The following CACNA1S variants were observed in gnomAD, a reference collection of about 807,000 sequenced individuals.
CACNA1S encodes the protein calcium voltage-gated channel subunit alpha1 S.
Under a neutral mutation model 207.4 loss-of-function variants are expected in CACNA1S, and 126 were observed. That is an observed-to-expected ratio of 0.61 (90% CI 0.53 to 0.70). The LOEUF is 0.70. Ranked by LOEUF, CACNA1S falls within the 30% of genes least tolerant of loss-of-function variation. The pLI, the probability that CACNA1S is intolerant of heterozygous loss-of-function variation, is 0.00. For synonymous variants in CACNA1S, 960 were observed against 932.7 expected, an observed-to-expected ratio of 1.03 and a Z score of -0.53; for missense variants, 2,349 against 2,422.8, an observed-to-expected ratio of 0.97 and a Z score of 0.64.
chr1:201,041,615 A>C (rs199753265), intron 40 of CACNA1S, 26 bp from the exon 41 acceptor site: 4 of 1,543,814 alleles, frequency 2.6e-6, no homozygotes, highest in Non-Finnish European at 3.6e-6. Flanking sequence ...GGCTGGGTGA[A>C]CCAGAGAAGG....
At position 201,058,564 on chromosome 1, in the gene CACNA1S, C is replaced by T. The variant is rs41267499; in HGVS notation, c.3526-73G>A. On this transcript the variant is annotated intron_variant, in intron 27 of 43. Transcript: ENST00000362061. ...AGGAGCTCTGGCTGCTGGCAGAGGACAGTGTCCCACCCGAGCTAATGCGGA... is the reference window on the plus strand; with the variant it reads ...AGGAGCTCTGGCTGCTGGCAGAGGATAGTGTCCCACCCGAGCTAATGCGGA... 9.4e-4 allele frequency: 1,144 copies of T among 1,215,944 alleles called. 2 individuals carry two copies. Among genetic ancestry groups the T allele is most frequent in the Non-Finnish European group, 1.3e-3 (1,050 of 821,940 alleles). The allele number at this position is 1,215,944 out of a possible 1,614,324, so 75.3% of individuals were successfully genotyped here.
In CACNA1S at chr1:201,083,203, G is replaced by A. The variant is rs35521793; in HGVS notation, c.1352C>T (p.Ser451Leu). ...IVALNTLSIA[S>L]EHHNQPLWLT... ...CCAGAGAGGCTGGTTGTGGTGCTCT[G>A]AGGCGATAGACAGGGTGTTGAGGGC... Residue 451 changes from serine to leucine, a missense_variant, in exon 10 of 44, where the codon TCA (serine) becomes TTA (leucine). Coordinates refer to ENST00000362061, the MANE Select transcript of CACNA1S (RefSeq NM_000069.3). The A allele has an allele frequency of 3.2e-5, 52 of 1,614,116 alleles. No homozygotes were observed. Among genetic ancestry groups the A allele is most frequent in the Middle Eastern group, 1.6e-4 (1 of 6,084 alleles).
rs183195890 is a variant in CACNA1S at position 201,044,407 on chromosome 1, G to T, written c.4718C>A (p.Thr1573Lys). The change falls in exon 39 of 44, where the codon ACG becomes AAG. Residue 1573 changes from threonine to lysine, a missense_variant. Transcript: ENST00000362061. Reference protein sequence around the residue: ...EEEAAPEICRTVSGDLAAEEE... With the variant: ...EEEAAPEICRKVSGDLAAEEE... ...CTCAGCAGCCAGGTCTCCTGAGACC[G>T]TGCGACAGATCTCGGGGGCTGCCTC... 5.0e-6 allele frequency: 8 copies of T among 1,613,452 alleles called. No individual in the cohort carries two copies. In the Admixed American group the frequency reaches 1.2e-4, roughly 24 times the overall value.
intron 2 of CACNA1S, among the ~76,000 whole-genome samples, chr1:201,098,625 A>G (rs1662524008): frequency 6.6e-6 from 1 of 152,196 alleles, no homozygotes; most frequent in South Asian, 2.1e-4. Context: ...GAATAAATGA[A>G]CAATGGAAAG....
chr1:201,067,618 C>T (rs1393259328), intron 19 of CACNA1S, among the ~76,000 whole-genome samples: 2 of 152,222 alleles, frequency 1.3e-5, no homozygotes, highest in Non-Finnish European at 2.9e-5. Flanking sequence ...GGCACCCAGG[C>T]CTCCTGTATG....
Position 201,059,242 on chromosome 1 carries a change from T to A in CACNA1S, c.3472A>T (p.Thr1158Ser). 6.2e-7 allele frequency: 1 copy of A among 1,614,116 alleles called. No homozygotes were observed. Among genetic ancestry groups the A allele is most frequent in the Non-Finnish European group, 8.5e-7 (1 of 1,179,974 alleles). Residue 1158 changes from threonine to serine, a missense_variant, in exon 27 of 44, where the codon ACT becomes TCT. Coordinates refer to ENST00000362061, the MANE Select transcript of CACNA1S (RefSeq NM_000069.3). The stretch of plus-strand genomic sequence containing the variant: ...ATCATCTCCAGGGTGAAGATGATAG[T>A]GAAGGCCACATTGAGGATGTCTGAG... The part of the protein sequence containing the change: ...HISDILNVAF[T>S]IIFTLEMILK...
chr1:201,064,018 G>T (rs997631812), intron 22 of CACNA1S, among the ~76,000 whole-genome samples: 2 of 152,254 alleles, frequency 1.3e-5, no homozygotes, highest in Admixed American at 6.5e-5. Context: ...GCAGGAGCTG[G>T]GGGTCTTTTA....
intron 2 of CACNA1S, among the ~76,000 whole-genome samples, chr1:201,104,067 G>A (rs1276367228): frequency 1.3e-5 from 2 of 152,192 alleles, no homozygotes; most frequent in African/African-American, 2.4e-5. Flanking sequence ...TCCAGAACTT[G>A]GAAATAAAGC....
chr1:201,112,157 C>G (rs548437244), intron 1 of CACNA1S, 31 bp downstream of exon 1: 2 of 1,514,270 alleles, frequency 1.3e-6, no homozygotes, highest in East Asian at 2.4e-5. Context: ...TGACGCACAC[C>G]CCCCCCCACG....
chr1:201,104,834 G>A (rs967765123), intron 2 of CACNA1S, among the ~76,000 whole-genome samples: 4 of 152,220 alleles, frequency 2.6e-5, no homozygotes, highest in African/African-American at 9.6e-5. Flanking sequence ...AGGCTGGAAT[G>A]GTAACCCTGC....
intron 12 of CACNA1S, among the ~76,000 whole-genome samples, 169 bp downstream of exon 12, chr1:201,076,751 A>G (rs1661636102): frequency 6.6e-6 from 1 of 152,226 alleles, no homozygotes. Flanking sequence ...AGCAAGTGTT[A>G]CAATGGAGAG....
chr1:201,090,394 A>G (rs1004035720), intron 5 of CACNA1S, among the ~76,000 whole-genome samples: 37 of 152,126 alleles, frequency 2.4e-4, no homozygotes, highest in Non-Finnish European at 5.1e-4. Context: ...TGATGGGAGG[A>G]GGCTGAAATG....
At chr1:201,104,878 C>G (rs1049050306) in intron 2 of CACNA1S, among the ~76,000 whole-genome samples, 1 of 152,236 alleles carries the variant, frequency 6.6e-6, no homozygotes, top group Non-Finnish European at 1.5e-5. Context: ...CACAGAGCCA[C>G]CTGGGCATGT....
intron 11 of CACNA1S, among the ~76,000 whole-genome samples, 163 bp downstream of exon 11, chr1:201,077,716 T>G (rs1225448199): frequency 6.6e-6 from 1 of 152,226 alleles, no homozygotes; most frequent in African/African-American, 2.4e-5. Flanking sequence ...GTGATTCTTT[T>G]TTCACAGAAG....
At chr1:201,072,524 C>T (rs1217992175) in intron 16 of CACNA1S, among the ~76,000 whole-genome samples, 2 of 152,158 alleles carry the variant, frequency 1.3e-5, no homozygotes, top group African/African-American at 4.8e-5. Context: ...TAAATACTTG[C>T]TGAGTTACAT....
At chr1:201,058,930 C>T (rs1383526488) in intron 27 of CACNA1S, among the ~76,000 whole-genome samples, 1 of 152,218 alleles carries the variant, frequency 6.6e-6, no homozygotes, top group Non-Finnish European at 1.5e-5. Context: ...TCTTCAGAAA[C>T]TTCAGAGCAG....
rs547101738 is a variant in CACNA1S at position 201,048,993 on chromosome 1, C to T, written c.4338+10G>A. The T allele has an allele frequency of 4.3e-6, 7 of 1,610,090 alleles. No homozygotes were observed. Among genetic ancestry groups the T allele is most frequent in the African/African-American group, 1.3e-5 (1 of 74,968 alleles). ...CCCTGGGGCCACCCATCCCTGGCAG[C>T]TCTGGTTACCTTACAAGCTACCCGA... On this transcript the variant is annotated intron_variant, in intron 35 of 43. Transcript: ENST00000362061.
At chr1:201,057,393 C>T (rs978146079) in intron 28 of CACNA1S, among the ~76,000 whole-genome samples, 8 of 152,252 alleles carry the variant, frequency 5.3e-5, no homozygotes, top group African/African-American at 1.9e-4. Flanking sequence ...CACCACCCTC[C>T]CATTCTCTTC....
intron 38 of CACNA1S, among the ~76,000 whole-genome samples, chr1:201,045,697 T>TGCCTCG (rs1660446432): frequency 6.5e-5 from 9 of 138,538 alleles, no homozygotes; most frequent in Non-Finnish European, 1.2e-4. Flanking sequence ...ATCATGCCTC[T>TGCCTCG]GCACTCCAGC....
Sources: allele counts gnomAD v4.1 joint callset (sites outside exome capture counted in the v4.1 genomes callset), GRCh38; gene constraint gnomAD v4.1.1; transcripts MANE v1.5; gene names NCBI Gene and HGNC (gene_info 2026-07-23, HGNC 2026-07-21).